CNTNAP5: variants seen among roughly 807,000 people sequenced by gnomAD.
CNTNAP5 encodes the protein contactin-associated protein-like 5.
In CNTNAP5, 72 loss-of-function variants were observed where a neutral mutation model predicts 150.2. The observed-to-expected ratio is 0.48, with a 90% CI of 0.40 to 0.58. CNTNAP5 has a LOEUF of 0.58. Among genes scored for constraint, CNTNAP5 ranks in the 20% least tolerant of loss-of-function variants. CNTNAP5 has a pLI of 0.00. For synonymous variants in CNTNAP5, 672 were observed against 619.8 expected (o/e 1.08, Z -1.25); for missense variants, 1,636 against 1,626.2 (o/e 1.01, Z -0.10).
intron 11 of CNTNAP5, among the ~76,000 whole-genome samples, chr2:124,594,653 GT>G (rs1332308161): frequency 7.1e-6 from 1 of 140,856 alleles, no homozygotes; most frequent in South Asian, 2.5e-4. Context: ...CTTTAAAGTA[GT>G]TTTTTCCAAT....
At chr2:124,097,726 C>G (rs1182285040) in intron 1 of CNTNAP5, among the ~76,000 whole-genome samples, 2 of 152,156 alleles carry the variant, frequency 1.3e-5, no homozygotes, top group Non-Finnish European at 2.9e-5. Context: ...GTCAAAAATT[C>G]ACACATAAAT....
chr2:124,741,229 C>T (rs1573586009), intron 13 of CNTNAP5, among the ~76,000 whole-genome samples: 1 of 152,182 alleles, frequency 6.6e-6, no homozygotes, highest in African/African-American at 2.4e-5. Flanking sequence ...GCAACAACAG[C>T]TCAACAGAGC....
At chr2:124,162,255 G>C (rs1301548669) in intron 1 of CNTNAP5, among the ~76,000 whole-genome samples, 1 of 152,128 alleles carries the variant, frequency 6.6e-6, no homozygotes, top group African/African-American at 2.4e-5. Flanking sequence ...ATGAAGTATA[G>C]GACACTGGAG....
At chr2:124,322,934 T>C (rs759457276) in intron 3 of CNTNAP5, among the ~76,000 whole-genome samples, 4 of 152,232 alleles carry the variant, frequency 2.6e-5, no homozygotes, top group Non-Finnish European at 5.9e-5. Context: ...TGCTCTGTTC[T>C]GTAATATAGA....
intron 1 of CNTNAP5, among the ~76,000 whole-genome samples, chr2:124,210,941 T>C (rs1685993733): frequency 6.6e-6 from 1 of 152,170 alleles, no homozygotes; most frequent in African/African-American, 2.4e-5. Flanking sequence ...CCTTGAAAAG[T>C]TATATGAGGT....
chr2:124,709,012 A>G (rs17321305), intron 13 of CNTNAP5, among the ~76,000 whole-genome samples: 24,763 of 152,100 alleles, frequency 0.16, 2,292 homozygotes, highest in East Asian at 0.24. Flanking sequence ...GCTTCATTCC[A>G]CAGAATATGG....
intron 19 of CNTNAP5, among the ~76,000 whole-genome samples, chr2:124,800,862 G>A (rs546852953): frequency 6.6e-6 from 1 of 152,272 alleles, no homozygotes; most frequent in African/African-American, 2.4e-5. Flanking sequence ...AAATATGAGT[G>A]ACCATGGCCT....
At chr2:124,670,861 GC>G (rs1285348261) in intron 13 of CNTNAP5, among the ~76,000 whole-genome samples, 3 of 152,028 alleles carry the variant, frequency 2.0e-5, no homozygotes, top group African/African-American at 7.2e-5. Flanking sequence ...GCAAACCTGG[GC>G]CCCTTTTTTC....
At chr2:124,361,153 G>T (rs1452841226) in intron 3 of CNTNAP5, among the ~76,000 whole-genome samples, 1 of 148,036 alleles carries the variant, frequency 6.8e-6, no homozygotes, top group Non-Finnish European at 1.5e-5. Context: ...TTGGGTTTCA[G>T]CTCCATCAGC....
At chr2:124,031,122 C>T (rs1681037398) in intron 1 of CNTNAP5, among the ~76,000 whole-genome samples, 1 of 149,454 alleles carries the variant, frequency 6.7e-6, no homozygotes, top group East Asian at 2.0e-4. Flanking sequence ...TCTTCTCTCA[C>T]TCTCTCCCCG....
intron 10 of CNTNAP5, among the ~76,000 whole-genome samples, chr2:124,532,869 G>A (rs148434750): frequency 6.6e-6 from 1 of 152,294 alleles, no homozygotes; most frequent in East Asian, 1.9e-4. Context: ...TAGATGCTCA[G>A]TAAATGTTCA....
chr2:124,809,380 G>A (rs980035987), intron 19 of CNTNAP5, among the ~76,000 whole-genome samples: 5 of 144,934 alleles, frequency 3.4e-5, no homozygotes, highest in African/African-American at 1.3e-4. Flanking sequence ...CAATAATATG[G>A]TATTTATTTA....
chr2:124,659,341 G>T (rs1336086880), intron 13 of CNTNAP5, among the ~76,000 whole-genome samples: 1 of 152,112 alleles, frequency 6.6e-6, no homozygotes, highest in Non-Finnish European at 1.5e-5. Flanking sequence ...TATGGTAGCG[G>T]TGATTTCACA....
intron 19 of CNTNAP5, among the ~76,000 whole-genome samples, chr2:124,859,582 T>A (rs531789257): frequency 6.6e-5 from 10 of 152,326 alleles, no homozygotes; most frequent in African/African-American, 2.4e-4. Context: ...GGATTATAAA[T>A]CATGCTGCTA....
At chr2:124,875,644 C>T (rs941447837) in intron 21 of CNTNAP5, among the ~76,000 whole-genome samples, 1 of 148,858 alleles carries the variant, frequency 6.7e-6, no homozygotes, top group African/African-American at 2.5e-5. Flanking sequence ...GAAATGTTGG[C>T]TTATTTTTTT....
intron 1 of CNTNAP5, among the ~76,000 whole-genome samples, chr2:124,211,523 A>AACAC (rs3063440): frequency 0.3 from 45,559 of 149,770 alleles, 6,875 homozygotes; most frequent in South Asian, 0.47. Flanking sequence ...CACACACACA[A>AACAC]ACACACACAC....
At chr2:124,564,694 C>T (rs977453139) in intron 11 of CNTNAP5, among the ~76,000 whole-genome samples, 6 of 152,132 alleles carry the variant, frequency 3.9e-5, no homozygotes, top group South Asian at 2.1e-4. Flanking sequence ...ATTGAGACCA[C>T]GGGTAGGGGG....
At chr2:124,145,835 A>G (rs868092897) in intron 1 of CNTNAP5, among the ~76,000 whole-genome samples, 17 of 49,788 alleles carry the variant, frequency 3.4e-4, no homozygotes, top group South Asian at 9.7e-4. Flanking sequence ...AAAAGAAGAA[A>G]AAAAAAAAAA....
chr2:124,741,959 C>T (rs950773502), intron 13 of CNTNAP5, among the ~76,000 whole-genome samples: 1 of 151,850 alleles, frequency 6.6e-6, no homozygotes, highest in Non-Finnish European at 1.5e-5. Context: ...TAATTCTTTT[C>T]CAAGTTTATG....
Sources: allele counts gnomAD v4.1 joint callset (sites outside exome capture counted in the v4.1 genomes callset), GRCh38; gene constraint gnomAD v4.1.1; transcripts MANE v1.5; gene names NCBI Gene and HGNC (gene_info 2026-07-23, HGNC 2026-07-21).